CLASP1: variants seen among roughly 807,000 people sequenced by gnomAD.
CLASP1 encodes the protein cytoplasmic linker associated protein 1, also known as CLIP-associating protein 1.
Under a neutral mutation model 192.3 loss-of-function variants are expected in CLASP1, and 38 were observed. The ratio of observed to expected loss-of-function variants is 0.20; its 90% confidence interval spans 0.15 to 0.26. The LOEUF is 0.26. CLASP1 is among the 10% of genes least tolerant of loss of function. CLASP1 has a pLI of 1.00. For synonymous variants in CLASP1, 691 were observed against 712.8 expected, an observed-to-expected ratio of 0.97 and a Z score of 0.49; for missense variants, 1,433 against 1,932.5, an observed-to-expected ratio of 0.74 and a Z score of 4.85.
chr2:121,419,967 A>G (rs2079212965), intron 22 of CLASP1, among the ~76,000 whole-genome samples: 9 of 152,192 alleles, frequency 5.9e-5, no homozygotes, highest in Admixed American at 5.9e-4. Flanking sequence ...CCAAAGTATA[A>G]CAAGAATGTC....
At chr2:121,595,000 A>G (rs994073511) in intron 2 of CLASP1, among the ~76,000 whole-genome samples, 2 of 152,246 alleles carry the variant, frequency 1.3e-5, no homozygotes, top group South Asian at 2.1e-4. Flanking sequence ...ACAGGACCAA[A>G]GAACTATTTT....
intron 25 of CLASP1, among the ~76,000 whole-genome samples, chr2:121,405,346 T>C (rs1244254588): frequency 6.6e-6 from 1 of 152,162 alleles, no homozygotes; most frequent in East Asian, 1.9e-4. Context: ...TACTCTGCTA[T>C]CTTTAAGCCT....
exon 8 of CLASP1, chr2:121,503,177 T>C (rs748269178): frequency 9.7e-6 from 15 of 1,549,186 alleles, no homozygotes; most frequent in Middle Eastern, 1.7e-4. Context: ...CATTTGCAGA[T>C]TGTATCATGT....
At chr2:121,478,798 CACCACA>C (rs2092120380) in intron 8 of CLASP1, among the ~76,000 whole-genome samples, 1 of 74,742 alleles carries the variant, frequency 1.3e-5, no homozygotes, top group Non-Finnish European at 3.1e-5. Flanking sequence ...ACACACCACA[CACCACA>C]CACACACCCC....
chr2:121,531,115 G>A (rs955119917), intron 2 of CLASP1: 31 of 635,296 alleles, frequency 4.9e-5, no homozygotes, highest in African/African-American at 2.9e-4. Flanking sequence ...CGTGGTTTTA[G>A]TGTCGCAAGT....
chr2:121,350,885 T>TA (rs2064240903), intron 37 of CLASP1, among the ~76,000 whole-genome samples: 1 of 152,222 alleles, frequency 6.6e-6, no homozygotes, highest in South Asian at 2.1e-4. Flanking sequence ...ACTTTTTAGA[T>TA]AGATAGAAAA....
At chr2:121,456,044 T>C (rs1391328660) in intron 14 of CLASP1, among the ~76,000 whole-genome samples, 1 of 152,162 alleles carries the variant, frequency 6.6e-6, no homozygotes, top group Admixed American at 6.5e-5. Flanking sequence ...TTATATACTT[T>C]AAAATTGCTG....
intron 8 of CLASP1, among the ~76,000 whole-genome samples, chr2:121,483,148 C>G (rs1024637996): frequency 1.3e-5 from 2 of 152,186 alleles, no homozygotes; most frequent in African/African-American, 4.8e-5. Flanking sequence ...TCCATCTGGG[C>G]ATCCTACTTT....
chr2:121,394,131 G>A (rs2074871662), intron 30 of CLASP1, among the ~76,000 whole-genome samples: 1 of 152,148 alleles, frequency 6.6e-6, no homozygotes, highest in Non-Finnish European at 1.5e-5. Flanking sequence ...CCCTTAGAGT[G>A]AGCGGGACTT....
chr2:121,469,931 C>G, exon 9 of CLASP1: 1 of 1,611,270 alleles, frequency 6.2e-7, no homozygotes, highest in Non-Finnish European at 8.5e-7. Context: ...CTGTTACCAT[C>G]CACAGAATCT....
At chr2:121,646,563 A>G (rs1318277532) in intron 1 of CLASP1, among the ~76,000 whole-genome samples, 1 of 152,202 alleles carries the variant, frequency 6.6e-6, no homozygotes, top group Non-Finnish European at 1.5e-5. Flanking sequence ...TAATCACTTA[A>G]ATGTTTATAT....
At position 121,554,878 on chromosome 2, in the gene CLASP1, T is replaced by C. The variant is rs182517763; in HGVS notation, c.196-24553A>G. Among the ~76,000 whole-genome samples the C allele has an allele frequency of 9.8e-5, 15 of 152,354 alleles. No individual in the cohort carries two copies. The East Asian group carries it at 2.1e-3, about 22-fold the overall frequency. ...GGTAAATTTTATGGTATATAAATTA[T>C]ATCTCAGTAAAGCCATTTAAGAAAA... On this transcript the variant is annotated intron_variant, in intron 2 of 39. Coordinates refer to ENST00000263710, the Ensembl canonical transcript of CLASP1.
At chr2:121,373,213 T>C (rs984330944) in intron 34 of CLASP1, among the ~76,000 whole-genome samples, 1 of 152,196 alleles carries the variant, frequency 6.6e-6, no homozygotes, top group Non-Finnish European at 1.5e-5. Context: ...TGTGTAGCAC[T>C]TCCCCCTTCG....
At chr2:121,474,963 T>C (rs1428674981) in intron 8 of CLASP1, among the ~76,000 whole-genome samples, 1 of 152,192 alleles carries the variant, frequency 6.6e-6, no homozygotes, top group Non-Finnish European at 1.5e-5. Flanking sequence ...GAAGGCCTAA[T>C]AGCCTAATAG....
intron 2 of CLASP1, chr2:121,531,049 TAATTCGTA>T (rs2094825159): frequency 1.4e-6 from 1 of 697,846 alleles, no homozygotes; most frequent in East Asian, 2.7e-5. Context: ...CAAACAGCAG[TAATTCGTA>T]AATAAACTAG....
At chr2:121,401,792 C>G in intron 27 of CLASP1, 76 bp downstream of exon 28, 1 of 823,886 alleles carries the variant, frequency 1.2e-6, no homozygotes, top group Non-Finnish European at 2.1e-6. Flanking sequence ...TAGGTTAACA[C>G]TGTTAACAAC....
chr2:121,624,779 T>C (rs967743281), intron 1 of CLASP1, among the ~76,000 whole-genome samples: 1 of 152,220 alleles, frequency 6.6e-6, no homozygotes, highest in African/African-American at 2.4e-5. Flanking sequence ...AGATTTGCCA[T>C]TTTAACTATT....
intron 38 of CLASP1, 106 bp downstream of exon 39, chr2:121,348,406 C>T: frequency 9.5e-7 from 1 of 1,048,424 alleles, no homozygotes; most frequent in African/African-American, 1.6e-5. Context: ...CCTGGTTTTT[C>T]CTACCCGTCC....
chr2:121,502,170 A>C (rs1222428405), intron 8 of CLASP1, among the ~76,000 whole-genome samples: 1 of 152,188 alleles, frequency 6.6e-6, no homozygotes, highest in Non-Finnish European at 1.5e-5. Context: ...ATAGACTACA[A>C]TTGACATCAA....
Sources: gnomAD v4.1 joint callset for allele counts (sites outside exome capture counted in the v4.1 genomes callset) on GRCh38, gnomAD v4.1.1 for gene constraint, MANE v1.5 for transcripts, NCBI Gene and HGNC (gene_info 2026-07-23, HGNC 2026-07-21) for gene names.